The following VCL variants were observed in gnomAD, a reference collection of about 807,000 sequenced individuals.
VCL encodes epididymis luminal protein 114.
VCL carries 47 observed loss-of-function variants against 125.7 expected under a neutral mutation model. That is an observed-to-expected ratio of 0.37 (90% CI 0.30 to 0.48). VCL has a LOEUF of 0.48. Among genes scored for constraint, VCL ranks in the 20% least tolerant of loss-of-function variants. The pLI, the probability that VCL is intolerant of heterozygous loss-of-function variation, is 0.99. For missense variants in VCL, 1,069 were observed against 1,455.5 expected (o/e 0.73, Z 4.32); for synonymous variants, 458 against 514.6 (o/e 0.89, Z 1.49).
intron 2 of VCL, among the ~76,000 whole-genome samples, chr10:74,060,393 C>T (rs1841461496): frequency 6.6e-6 from 1 of 151,994 alleles, no homozygotes; most frequent in African/African-American, 2.4e-5. Context: ...TGGCTCACAC[C>T]TGTAATCCCA....
intron 2 of VCL, among the ~76,000 whole-genome samples, chr10:74,045,747 T>C (rs1206533819): frequency 6.6e-6 from 1 of 152,042 alleles, no homozygotes; most frequent in Non-Finnish European, 1.5e-5. Flanking sequence ...AGGGTAGTCC[T>C]ACCTCTGGGA....
At chr10:74,040,738 A>G (rs1841079138) in intron 1 of VCL, among the ~76,000 whole-genome samples, 6 of 152,310 alleles carry the variant, frequency 3.9e-5, no homozygotes, top group Admixed American at 3.9e-4. Flanking sequence ...ACAGTGGTAG[A>G]TATGTGTTGC....
At chr10:74,090,602 G>C (rs951683112) in intron 10 of VCL, among the ~76,000 whole-genome samples, 4 of 152,062 alleles carry the variant, frequency 2.6e-5, no homozygotes, top group Admixed American at 6.5e-5. Flanking sequence ...ATATGGAGGG[G>C]AAGAAGCGTA....
chr10:74,087,730 C>T (rs1409366804), intron 8 of VCL, among the ~76,000 whole-genome samples: 1 of 151,726 alleles, frequency 6.6e-6, no homozygotes, highest in East Asian at 2.0e-4. Context: ...AATCCCAGCA[C>T]TTTGGGAGGC....
chr10:74,110,390 C>G (rs1413848439), intron 18 of VCL, among the ~76,000 whole-genome samples: 1 of 152,204 alleles, frequency 6.6e-6, no homozygotes, highest in East Asian at 1.9e-4. Context: ...GGCCAGAAGT[C>G]CTGAGGTCTA....
Position 74,119,159 on chromosome 10 carries a change from A to G in VCL, c.*990A>G, listed in dbSNP as rs1840357798. 1 of 152,070 alleles carries G rather than the reference A, an allele frequency of 6.6e-6. No individual in the cohort carries two copies. Among genetic ancestry groups the G allele is most frequent in the Admixed American group, 6.6e-5 (1 of 15,234 alleles). 9.4% of individuals were successfully genotyped at this position (152,070 alleles called of 1,614,324 possible). A position where few individuals can be genotyped will look rare whatever the true frequency, so the allele number is the denominator to read the frequency against. ...TAATTTTAACCAAAACATGTCTCCT[A>G]TCCTGGTTTTTGTAGCCTTCCTCCA... On this transcript the variant is annotated 3_prime_UTR_variant, in exon 22 of 22. Coordinates refer to ENST00000211998, the MANE Select transcript of VCL (RefSeq NM_014000.3).
chr10:74,067,399 A>C (rs549956500), intron 2 of VCL, among the ~76,000 whole-genome samples: 20 of 150,848 alleles, frequency 1.3e-4, no homozygotes, highest in Admixed American at 6.6e-5. Context: ...AAAGATAAGC[A>C]TTGGTGAGGA....
intron 1 of VCL, among the ~76,000 whole-genome samples, chr10:74,014,575 C>A (rs74795875): frequency 0.026 from 3,973 of 150,776 alleles, 61 homozygotes; most frequent in East Asian, 0.063. Context: ...AGAAAAAAAG[C>A]AAAACGAAAA....
chr10:74,022,203 G>A (rs536458121), intron 1 of VCL, among the ~76,000 whole-genome samples: 85 of 151,910 alleles, frequency 5.6e-4, no homozygotes, highest in African/African-American at 1.9e-3. Flanking sequence ...AAAATATTTT[G>A]GGAAAAAAAC....
chr10:74,043,500 C>T (rs111450076), intron 2 of VCL, among the ~76,000 whole-genome samples: 1 of 152,008 alleles, frequency 6.6e-6, no homozygotes, highest in Non-Finnish European at 1.5e-5. Flanking sequence ...GCGCGTGCCA[C>T]CATCCCTGGC....
chr10:73,998,775 C>G (rs1025279203), intron 1 of VCL, among the ~76,000 whole-genome samples: 4 of 152,256 alleles, frequency 2.6e-5, no homozygotes, highest in African/African-American at 9.6e-5. Context: ...CTCTCAGCGC[C>G]TTTTAGGCCT....
intron 20 of VCL, 92 bp downstream of exon 20, chr10:74,114,479 A>C: frequency 1.4e-6 from 2 of 1,459,192 alleles, no homozygotes; most frequent in Non-Finnish European, 1.9e-6. Context: ...AGAGGGAGAA[A>C]AGCAGGAGAG....
chr10:74,050,702 G>T (rs1422493628), intron 2 of VCL, among the ~76,000 whole-genome samples: 1 of 151,878 alleles, frequency 6.6e-6, no homozygotes. Flanking sequence ...CCTTTTGTTT[G>T]CCTGGGGCTA....
At chr10:74,064,432 A>G (rs59090270) in intron 2 of VCL, among the ~76,000 whole-genome samples, 9,555 of 151,536 alleles carry the variant, frequency 0.063, 1,038 homozygotes, top group African/African-American at 0.22. Flanking sequence ...TTGAGACAGG[A>G]TCCAGCTCTG....
rs549100252 is a variant in VCL, at chr10:74,102,346, C to A, written c.2022+1249C>A. 1.3e-4 allele frequency among the ~76,000 whole-genome samples: 20 copies of A among 151,264 alleles called. No homozygotes were observed. In the South Asian group the frequency reaches 3.8e-3, roughly 29 times the overall value. ...AGCAAAGGAAGATTGGGAAAAAAAA[C>A]CAAACTGTACAGTTATTAAAAGTTT... On this transcript the variant is annotated intron_variant, in intron 14 of 21. Coordinates refer to ENST00000211998, the MANE Select transcript of VCL (RefSeq NM_014000.3).
At chr10:74,101,895 C>T (rs1248311697) in intron 14 of VCL, among the ~76,000 whole-genome samples, 14 of 137,984 alleles carry the variant, frequency 1.0e-4, no homozygotes, top group East Asian at 2.1e-4. Flanking sequence ...GACAGAGTTT[C>T]GCTCTTGTCA....
rs751659324 is a variant in VCL at position 74,094,255 on chromosome 10, G to A, written c.1353-16G>A. On this transcript the variant is annotated splice_polypyrimidine_tract_variant and intron_variant, in intron 10 of 21. Transcript: ENST00000211998. ...AGTGTTTATGTGTGACAGGATGGCT[G>A]TCTTTTTCTCTGTAGGGGGAAAGGA... 1.6e-5 allele frequency: 26 copies of A among 1,613,910 alleles called. No individual in the cohort carries two copies. Among genetic ancestry groups the A allele is most frequent in the Admixed American group, 1.5e-4 (9 of 60,000 alleles).
At chr10:74,082,704 T>TA (rs1311431896) in intron 7 of VCL, among the ~76,000 whole-genome samples, 160 bp downstream of exon 7, 2 of 152,210 alleles carry the variant, frequency 1.3e-5, no homozygotes, top group African/African-American at 4.8e-5. Context: ...CTGAAGCAAG[T>TA]AGTAGGCCTT....
chr10:74,083,591 C>G (rs1839715602), intron 8 of VCL, 78 bp downstream of exon 8: 9 of 1,564,830 alleles, frequency 5.8e-6, no homozygotes, highest in Non-Finnish European at 7.0e-6. Context: ...CAAGCCTCTG[C>G]CAGTTTTGAG....
Sources: gnomAD v4.1 joint callset for allele counts (sites outside exome capture counted in the v4.1 genomes callset) on GRCh38, gnomAD v4.1.1 for gene constraint, MANE v1.5 for transcripts, NCBI Gene and HGNC (gene_info 2026-07-23, HGNC 2026-07-21) for gene names.